The following PRR16 variants were observed in gnomAD, a reference collection of about 807,000 sequenced individuals.
PRR16 encodes protein Largen.
A neutral mutation model predicts 18.2 loss-of-function variants in PRR16; 6 were observed. The ratio of observed to expected loss-of-function variants is 0.33; its 90% CI spans 0.18 to 0.65. The LOEUF (loss-of-function observed/expected upper bound fraction) is 0.65, where lower values mean the gene tolerates loss of function less well. Among genes scored for constraint, PRR16 ranks in the 30% least tolerant of loss-of-function variants. PRR16 has a pLI of 0.74. For synonymous variants in PRR16, 151 were observed against 147.8 expected, an observed-to-expected ratio of 1.02 and a Z score of -0.16; for missense variants, 412 against 376.6, an observed-to-expected ratio of 1.09 and a Z score of -0.78.
At chr5:120,489,272 A>G (rs1040209796) in intron 1 of PRR16, among the ~76,000 whole-genome samples, 1 of 152,056 alleles carries the variant, frequency 6.6e-6, no homozygotes, top group Admixed American at 6.5e-5. Flanking sequence ...TCCCATTATT[A>G]TTGTGTGGGA....
intron 1 of PRR16, among the ~76,000 whole-genome samples, chr5:120,608,571 A>T (rs1754231023): frequency 6.6e-6 from 1 of 152,220 alleles, no homozygotes; most frequent in Non-Finnish European, 1.5e-5. Context: ...GCAGTTAGAA[A>T]AAAAGGCTAG....
chr5:120,559,013 T>C (rs1752497748), intron 1 of PRR16, among the ~76,000 whole-genome samples: 1 of 152,036 alleles, frequency 6.6e-6, no homozygotes, highest in African/African-American at 2.4e-5. Flanking sequence ...TGTAGAGTTG[T>C]TTGAGCTCGT....
intron 1 of PRR16, among the ~76,000 whole-genome samples, chr5:120,613,829 T>C (rs1436547359): frequency 6.6e-6 from 1 of 152,214 alleles, no homozygotes; most frequent in African/African-American, 2.4e-5. Flanking sequence ...GAGAATCCAA[T>C]AGCCCTCTGC....
chr5:120,680,557 C>T (rs1046890864), intron 1 of PRR16, among the ~76,000 whole-genome samples: 1 of 152,062 alleles, frequency 6.6e-6, no homozygotes, highest in East Asian at 1.9e-4. Context: ...CCCTGGCGTT[C>T]GAGGCTGTGT....
intron 1 of PRR16, among the ~76,000 whole-genome samples, chr5:120,606,401 A>G (rs1269769945): frequency 6.6e-6 from 1 of 152,110 alleles, no homozygotes; most frequent in Non-Finnish European, 1.5e-5. Flanking sequence ...TGTATTTTTT[A>G]ATCACATTGA....
intron 1 of PRR16, among the ~76,000 whole-genome samples, chr5:120,667,467 T>C (rs1174710873): frequency 6.6e-6 from 1 of 152,056 alleles, no homozygotes; most frequent in Non-Finnish European, 1.5e-5. Flanking sequence ...AGTTCTGCTC[T>C]GATTTTAGTT....
At chr5:120,584,652 A>G (rs1045264613) in intron 1 of PRR16, among the ~76,000 whole-genome samples, 1 of 152,176 alleles carries the variant, frequency 6.6e-6, no homozygotes, top group Admixed American at 6.6e-5. Context: ...ATAATGGACT[A>G]AGAGATATTT....
At chr5:120,615,384 C>CTTTTT (rs10717083) in intron 1 of PRR16, among the ~76,000 whole-genome samples, 19 of 119,376 alleles carry the variant, frequency 1.6e-4, no homozygotes, top group East Asian at 8.1e-4. Context: ...TCTTTCTTTT[C>CTTTTT]TTTTTTTTTT....
At chr5:120,580,266 T>C (rs1045593923) in intron 1 of PRR16, among the ~76,000 whole-genome samples, 3 of 152,132 alleles carry the variant, frequency 2.0e-5, no homozygotes, top group South Asian at 2.1e-4. Context: ...TCCAATACTA[T>C]GTTGAATAGG....
At chr5:120,733,797 T>C in the PRR16 span, among the ~76,000 whole-genome samples, 1 of 152,182 alleles carries the variant, frequency 6.6e-6, no homozygotes, top group Non-Finnish European at 1.5e-5. Context: ...TTATCAATTG[T>C]TTTCTTTCAT....
intron 1 of PRR16, among the ~76,000 whole-genome samples, chr5:120,588,615 A>C (rs1753530037): frequency 6.6e-6 from 1 of 152,202 alleles, no homozygotes; most frequent in Admixed American, 6.5e-5. Context: ...ACATACATAT[A>C]GACTACAGTA....
At chr5:120,688,035 T>G (rs1192897435), downstream of PRR16, among the ~76,000 whole-genome samples, 5 of 152,226 alleles carry the variant, frequency 3.3e-5, no homozygotes, top group African/African-American at 1.2e-4. Context: ...GGAAATGTAT[T>G]TATGGCATAA....
At chr5:120,486,695 G>A (rs1219844833) in intron 1 of PRR16, among the ~76,000 whole-genome samples, 1 of 152,082 alleles carries the variant, frequency 6.6e-6, no homozygotes, top group Non-Finnish European at 1.5e-5. Context: ...CATTGCTTTT[G>A]GTGTTTTAGA....
At chr5:120,621,021 G>T (rs1051480792) in intron 1 of PRR16, among the ~76,000 whole-genome samples, 1 of 152,028 alleles carries the variant, frequency 6.6e-6, no homozygotes, top group Non-Finnish European at 1.5e-5. Flanking sequence ...CAAACAAATT[G>T]CTTGGACCAA....
intron 1 of PRR16, among the ~76,000 whole-genome samples, chr5:120,559,927 T>G (rs1318063829): frequency 6.6e-6 from 1 of 151,930 alleles, no homozygotes; most frequent in African/African-American, 2.4e-5. Context: ...AATTTTTTAT[T>G]TATTTTTCAG....
At chr5:120,515,631 A>T (rs956158805) in intron 1 of PRR16, among the ~76,000 whole-genome samples, 1 of 152,004 alleles carries the variant, frequency 6.6e-6, no homozygotes, top group Admixed American at 6.6e-5. Flanking sequence ...TCTCTTACTC[A>T]CTGAAAAAAA....
intron 1 of PRR16, among the ~76,000 whole-genome samples, chr5:120,632,100 T>G (rs1001880933): frequency 6.6e-6 from 1 of 152,178 alleles, no homozygotes; most frequent in Non-Finnish European, 1.5e-5. Flanking sequence ...TGGAGCCCAG[T>G]AGCTCTGCTG....
chr5:120,781,172 G>T, the PRR16 span: 1 of 151,612 alleles, frequency 6.6e-6, no homozygotes, highest in African/African-American at 2.4e-5. Flanking sequence ...ATTCTACATG[G>T]GCATATCATA....
At chr5:120,658,968 A>G (rs1050576470) in intron 1 of PRR16, among the ~76,000 whole-genome samples, 6 of 151,602 alleles carry the variant, frequency 4.0e-5, no homozygotes, top group Non-Finnish European at 8.8e-5. Context: ...TCTGGTCACA[A>G]TCAGGGTTCT....
Sources: gnomAD v4.1 joint callset for allele counts (sites outside exome capture counted in the v4.1 genomes callset) on GRCh38, gnomAD v4.1.1 for gene constraint, MANE v1.5 for transcripts, NCBI Gene and HGNC (gene_info 2026-07-23, HGNC 2026-07-21) for gene names.